The following PCDH15 variants were observed in gnomAD, a reference collection of about 807,000 sequenced individuals.
The protein encoded by PCDH15 is protocadherin-15.
A neutral mutation model predicts 178.5 loss-of-function variants in PCDH15; 129 were observed. That is an observed-to-expected ratio of 0.72 (90% CI 0.63 to 0.84). PCDH15 has a LOEUF of 0.84. Among genes scored for constraint, PCDH15 ranks in the 40% least tolerant of loss-of-function variants. PCDH15 has a pLI of 0.00. For synonymous variants in PCDH15, 800 were observed against 732.0 expected, an observed-to-expected ratio of 1.09 and a Z score of -1.50; for missense variants, 2,230 against 2,099.9, an observed-to-expected ratio of 1.06 and a Z score of -1.21.
chr10:54,491,978 C>T (rs1313262444), intron 3 of PCDH15, among the ~76,000 whole-genome samples: 3 of 152,170 alleles, frequency 2.0e-5, no homozygotes, highest in East Asian at 1.9e-4. Flanking sequence ...TTATATTACA[C>T]ATCCTCTGAT....
intron 2 of PCDH15, among the ~76,000 whole-genome samples, chr10:55,021,976 A>G (rs891301852): frequency 1.1e-4 from 16 of 152,174 alleles, no homozygotes; most frequent in African/African-American, 3.6e-4. Context: ...GGTGGAATCT[A>G]AAAAAGTTGG....
At chr10:55,259,491 T>C (rs781569219) in intron 1 of PCDH15, among the ~76,000 whole-genome samples, 1 of 152,160 alleles carries the variant, frequency 6.6e-6, no homozygotes, top group Non-Finnish European at 1.5e-5. Flanking sequence ...TCATTTTATT[T>C]GGGAAAATGG....
At chr10:55,097,569 A>C (rs941590991) in intron 2 of PCDH15, among the ~76,000 whole-genome samples, 1 of 152,288 alleles carries the variant, frequency 6.6e-6, no homozygotes, top group African/African-American at 2.4e-5. Context: ...CTAACAGAAG[A>C]CACATTCCTA....
rs902424107 is a variant in PCDH15 at position 55,497,970 on chromosome 10, C to T, written c.-156+129655G>A. ...CTTGTGATTTAAATTCTTTTACCTA[C>T]GGATATGTATAAATCTGTTGGGTTT... On this transcript the variant is annotated intron_variant, in intron 2 of 5. Transcript: ENST00000613346. Among the ~76,000 whole-genome samples the T allele has an allele frequency of 4.6e-5, 7 of 151,928 alleles. No homozygotes were observed. The East Asian group carries it at 7.8e-4, about 17-fold the overall frequency.
chr10:55,374,495 T>C (rs968323178), intron 2 of PCDH15, among the ~76,000 whole-genome samples: 7 of 152,100 alleles, frequency 4.6e-5, no homozygotes, highest in African/African-American at 1.7e-4. Flanking sequence ...CTCCTGGTGA[T>C]AGGCAATAGA....
intron 3 of PCDH15, among the ~76,000 whole-genome samples, chr10:54,478,237 C>T (rs2078426101): frequency 6.6e-6 from 1 of 151,982 alleles, no homozygotes; most frequent in Admixed American, 6.6e-5. Flanking sequence ...TGAGAAATTC[C>T]AATCGGCAGG....
At chr10:55,487,057 T>A (rs531383117) in intron 2 of PCDH15, among the ~76,000 whole-genome samples, 20 of 151,776 alleles carry the variant, frequency 1.3e-4, no homozygotes, top group South Asian at 1.0e-3. Flanking sequence ...TATAATGACA[T>A]TTGGGTACAG....
At chr10:53,836,989 T>A (rs1164444379) in intron 29 of PCDH15, among the ~76,000 whole-genome samples, 1 of 152,132 alleles carries the variant, frequency 6.6e-6, no homozygotes, top group East Asian at 1.9e-4. Flanking sequence ...AGATGAAGAA[T>A]TTCTTCAGTG....
At chr10:54,012,851 C>A (rs2135183460) in intron 20 of PCDH15, among the ~76,000 whole-genome samples, 1 of 152,230 alleles carries the variant, frequency 6.6e-6, no homozygotes, top group South Asian at 2.1e-4. Context: ...ATCTCTGACA[C>A]TATAAAGCAA....
chr10:54,103,649 C>T (rs1011392365), intron 15 of PCDH15, among the ~76,000 whole-genome samples: 3 of 152,186 alleles, frequency 2.0e-5, no homozygotes, highest in African/African-American at 7.2e-5. Flanking sequence ...CCTTTAGATC[C>T]CTTTCTCTGC....
chr10:55,116,513 T>A (rs987237327), intron 2 of PCDH15, among the ~76,000 whole-genome samples: 2 of 152,130 alleles, frequency 1.3e-5, no homozygotes, highest in African/African-American at 4.8e-5. Context: ...CAGGGAAAAG[T>A]TGGAGATATA....
chr10:54,299,909 A>G (rs1465187303), intron 8 of PCDH15, among the ~76,000 whole-genome samples: 1 of 152,236 alleles, frequency 6.6e-6, no homozygotes, highest in Non-Finnish European at 1.5e-5. Flanking sequence ...AATAGTAAAG[A>G]AAAATTATAA....
At chr10:54,493,198 A>G (rs540164337) in intron 3 of PCDH15, among the ~76,000 whole-genome samples, 4 of 152,146 alleles carry the variant, frequency 2.6e-5, no homozygotes, top group African/African-American at 7.2e-5. Context: ...GTATAGGAAA[A>G]ATGTAGTATA....
chr10:54,815,948 A>C (rs1952943364), intron 3 of PCDH15, among the ~76,000 whole-genome samples: 1 of 152,128 alleles, frequency 6.6e-6, no homozygotes, highest in African/African-American at 2.4e-5. Flanking sequence ...TATGTATGTT[A>C]ATCAACTGTT....
intron 27 of PCDH15, among the ~76,000 whole-genome samples, chr10:53,860,796 A>C (rs974289866): frequency 6.6e-6 from 1 of 151,812 alleles, no homozygotes; most frequent in African/African-American, 2.4e-5. Context: ...CTAACATTTA[A>C]GGTATCTAGA....
chr10:54,491,020 G>T (rs535975745), intron 3 of PCDH15, among the ~76,000 whole-genome samples: 1 of 152,234 alleles, frequency 6.6e-6, no homozygotes, highest in African/African-American at 2.4e-5. Flanking sequence ...CAGCAGTATG[G>T]TCTGCAGCAA....
At chr10:55,427,903 G>T (rs1250606650) in intron 2 of PCDH15, among the ~76,000 whole-genome samples, 1 of 151,890 alleles carries the variant, frequency 6.6e-6, no homozygotes, top group Non-Finnish European at 1.5e-5. Flanking sequence ...ATACAATTTT[G>T]GGGAAAAATG....
intron 8 of PCDH15, among the ~76,000 whole-genome samples, chr10:54,262,301 C>A (rs1446658138): frequency 6.6e-6 from 1 of 152,126 alleles, no homozygotes; most frequent in East Asian, 1.9e-4. Flanking sequence ...GTGAACCGTG[C>A]CTGGCCTGCT....
intron 2 of PCDH15, among the ~76,000 whole-genome samples, chr10:55,133,075 C>T (rs1279115677): frequency 6.6e-6 from 1 of 152,004 alleles, no homozygotes; most frequent in Admixed American, 6.6e-5. Context: ...TGATAGATCT[C>T]GATTTGATTG....
Sources: gnomAD v4.1 joint callset for allele counts (sites outside exome capture counted in the v4.1 genomes callset) on GRCh38, gnomAD v4.1.1 for gene constraint, MANE v1.5 for transcripts, NCBI Gene and HGNC (gene_info 2026-07-23, HGNC 2026-07-21) for gene names.